The following DMD variants were observed in gnomAD, a reference collection of about 807,000 sequenced individuals.
The protein encoded by DMD is dystrophin, also known as mutant dystrophin.
Under a neutral mutation model 330.1 loss-of-function variants are expected in DMD, and 63 were observed. The ratio of observed to expected loss-of-function variants is 0.19; its 90% CI spans 0.16 to 0.24. The LOEUF (loss-of-function observed/expected upper bound fraction) is 0.24. Ranked by LOEUF, DMD falls within the 10% of genes least tolerant of loss-of-function variation. DMD has a pLI of 1.00. For synonymous variants in DMD, 1,223 were observed against 959.8 expected (o/e 1.27, Z -5.07); for missense variants, 3,344 against 2,684.1 (o/e 1.25, Z -5.43).
chrX:32,607,246 T>G (rs762668475), intron 12 of DMD, among the ~76,000 whole-genome samples: 87 of 110,511 alleles, frequency 7.9e-4, no homozygotes, highest in African/African-American at 2.5e-3. Flanking sequence ...AATGCTTATT[T>G]TCTTTCATTT....
chrX:31,521,978 T>G lies in DMD; in HGVS notation c.8218-14525A>C, dbSNP rs766450620. ...ACTACAAGATGTAAGTTCTCTATTTTAAAGAGCCCATAGCCTTCTGAAAAA... is the reference window on the plus strand; with the variant it reads ...ACTACAAGATGTAAGTTCTCTATTTGAAAGAGCCCATAGCCTTCTGAAAAA... On this transcript the variant is annotated intron_variant, in intron 55 of 78. Coordinates refer to ENST00000357033, the MANE Select transcript of DMD (RefSeq NM_004006.3). Among the ~76,000 whole-genome samples, 14 of 111,244 alleles carry G rather than the reference T, an allele frequency of 1.3e-4. No individual in the cohort carries two copies. In the South Asian group the frequency reaches 5.3e-3, roughly 42 times the overall value.
Position 32,812,712 on chromosome X carries a change from T to C in DMD, c.531-3101A>G, listed in dbSNP as rs778340549. ...ACTCTAGTTAATACACCAGAATTTTTACAATTATTAGGAAATCGAATCCCT... is the reference window on the plus strand; with the variant it reads ...ACTCTAGTTAATACACCAGAATTTTCACAATTATTAGGAAATCGAATCCCT... On this transcript the variant is annotated intron_variant, in intron 6 of 78. Transcript: ENST00000357033. Among the ~76,000 whole-genome samples, 334 of 112,641 alleles carry C rather than the reference T, an allele frequency of 3.0e-3. 1 individual carries two copies. Among genetic ancestry groups the C allele is most frequent in the African/African-American group, 0.01 (312 of 31,087 alleles).
intron 18 of DMD, among the ~76,000 whole-genome samples, chrX:32,502,121 C>T (rs1316036332): frequency 9.0e-6 from 1 of 110,745 alleles, no homozygotes; most frequent in African/African-American, 3.3e-5. Flanking sequence ...CGCAAGACTG[C>T]AAAAAGTAAA....
chrX:32,670,913 C>T (rs779888753), intron 9 of DMD, among the ~76,000 whole-genome samples: 1 of 110,579 alleles, frequency 9.0e-6, no homozygotes, highest in South Asian at 3.8e-4. Context: ...CAAATGTGTA[C>T]TTCTAAACAG....
At chrX:32,252,773 A>AATATATAAATATATATAAAT (rs2097275525) in intron 43 of DMD, among the ~76,000 whole-genome samples, 1 of 35,862 alleles carries the variant, frequency 2.8e-5, no homozygotes, top group South Asian at 9.2e-4. Context: ...AATATATATA[A>AATATATAAATATATATAAAT]ATATATATAA....
chrX:32,548,478 C>T (rs1024087018), intron 16 of DMD, among the ~76,000 whole-genome samples: 13 of 111,624 alleles, frequency 1.2e-4, no homozygotes, highest in Non-Finnish European at 2.3e-4. Flanking sequence ...TGGAAACAAC[C>T]TCATGTCATA....
intron 55 of DMD, among the ~76,000 whole-genome samples, 181 bp from the exon 56 acceptor site, chrX:31,507,634 G>C (rs1464124051): frequency 2.7e-5 from 3 of 112,255 alleles, no homozygotes; most frequent in Non-Finnish European, 3.8e-5. Flanking sequence ...GCCTTCTCCT[G>C]TTATTATGTA....
At chrX:33,225,686 G>A (rs1440832326) in intron 1 of DMD, among the ~76,000 whole-genome samples, 13 of 111,116 alleles carry the variant, frequency 1.2e-4, no homozygotes, top group Non-Finnish European at 1.9e-5. Flanking sequence ...CGTTAAAATC[G>A]TGTGCCTTAA....
At chrX:31,886,052 T>C (rs2149731883) in intron 47 of DMD, among the ~76,000 whole-genome samples, 1 of 110,882 alleles carries the variant, frequency 9.0e-6, no homozygotes, top group Non-Finnish European at 1.9e-5. Context: ...GTTATAAAGA[T>C]TAAAAATAAT....
At chrX:33,159,463 G>A (rs1391952953) in intron 1 of DMD, 2 of 111,398 alleles carry the variant, frequency 1.8e-5, no homozygotes, top group African/African-American at 3.3e-5. Flanking sequence ...AGGCCCCAGT[G>A]TGTGATGTTC....
intron 7 of DMD, among the ~76,000 whole-genome samples, chrX:32,707,158 ATTGAGT>A (rs1290569848): frequency 8.9e-6 from 1 of 111,949 alleles, no homozygotes; most frequent in Non-Finnish European, 1.9e-5. Flanking sequence ...ACAAACGTTT[ATTGAGT>A]TACTTTGTGC....
intron 16 of DMD, among the ~76,000 whole-genome samples, chrX:32,546,331 C>A (rs2048962157): frequency 1.8e-5 from 2 of 109,055 alleles, no homozygotes; most frequent in South Asian, 4.0e-4. Context: ...TCACAAGAGG[C>A]CTGCATTGAA....
chrX:32,238,473 GAA>G (rs1491551802), intron 43 of DMD, among the ~76,000 whole-genome samples: 3 of 108,825 alleles, frequency 2.8e-5, no homozygotes, highest in East Asian at 3.1e-4. Context: ...GAGAGAGAGA[GAA>G]AGAGAGACAC....
chrX:31,228,814 A>C (rs1349664076), intron 63 of DMD, among the ~76,000 whole-genome samples: 1 of 111,711 alleles, frequency 9.0e-6, no homozygotes, highest in Non-Finnish European at 1.9e-5. Flanking sequence ...AGCTGGGAGA[A>C]AGCGCACTTC....
chrX:33,151,963 C>A (rs1326871534), intron 1 of DMD, among the ~76,000 whole-genome samples: 3 of 111,155 alleles, frequency 2.7e-5, no homozygotes, highest in Non-Finnish European at 5.7e-5. Flanking sequence ...AAAATATTTT[C>A]TTTTAATAAC....
intron 1 of DMD, among the ~76,000 whole-genome samples, chrX:33,030,885 G>T (rs1302148133): frequency 1.8e-5 from 2 of 111,645 alleles, no homozygotes; most frequent in African/African-American, 6.5e-5. Context: ...AAATGTGCAC[G>T]ACACACAACA....
At chrX:32,797,736 ATGTCT>A (rs2076276967) in intron 7 of DMD, among the ~76,000 whole-genome samples, 1 of 111,693 alleles carries the variant, frequency 9.0e-6, no homozygotes, top group African/African-American at 3.3e-5. Flanking sequence ...TAATTTATTA[ATGTCT>A]TGTCAATCAT....
intron 44 of DMD, among the ~76,000 whole-genome samples, chrX:32,095,978 C>T (rs1169865599): frequency 9.0e-6 from 1 of 110,725 alleles, no homozygotes; most frequent in Non-Finnish European, 1.9e-5. Context: ...CACACGTATA[C>T]ATGTGCCATG....
chrX:31,380,674 C>A (rs1240197645), intron 60 of DMD, among the ~76,000 whole-genome samples: 3 of 111,110 alleles, frequency 2.7e-5, no homozygotes, highest in African/African-American at 9.9e-5. Flanking sequence ...TGCCTATCAA[C>A]CCTGTGGTGC....
Sources: allele counts gnomAD v4.1 joint callset (sites outside exome capture counted in the v4.1 genomes callset), GRCh38; gene constraint gnomAD v4.1.1; transcripts MANE v1.5; gene names NCBI Gene and HGNC (gene_info 2026-07-23, HGNC 2026-07-21).